Variants in CORO2A observed in about 807,000 individuals in gnomAD.
CORO2A encodes the protein coronin 2A.
A neutral mutation model predicts 62.4 loss-of-function variants in CORO2A; 47 were observed. The ratio of observed to expected loss-of-function variants is 0.75; its 90% CI spans 0.60 to 0.96. CORO2A has a LOEUF of 0.96. CORO2A is among the 40% of genes least tolerant of loss of function. The pLI, the probability that CORO2A is intolerant of heterozygous loss-of-function variation, is 0.00. For missense variants in CORO2A, 610 were observed against 684.1 expected, an observed-to-expected ratio of 0.89 and a Z score of 1.21; for synonymous variants, 273 against 268.9, an observed-to-expected ratio of 1.02 and a Z score of -0.15.
chr9:98,137,796 G>A, intron 2 of CORO2A, 108 bp from the exon 3 acceptor site: 1 of 833,250 alleles, frequency 1.2e-6, no homozygotes. Flanking sequence ...ATAAGGGACA[G>A]AGCTGGGTGT....
chr9:98,143,010 A>T (rs1217314722), intron 2 of CORO2A, among the ~76,000 whole-genome samples: 1 of 152,202 alleles, frequency 6.6e-6, no homozygotes. Context: ...GACATTTATC[A>T]TCAGGAGGCC....
intron 2 of CORO2A, among the ~76,000 whole-genome samples, chr9:98,146,101 A>T (rs1041546734): frequency 7.2e-5 from 11 of 152,144 alleles, no homozygotes; most frequent in Non-Finnish European, 1.5e-4. Flanking sequence ...CCTCAGGCCC[A>T]TGTCCCCTCT....
chr9:98,135,467 G>C (rs1187026675), intron 3 of CORO2A, among the ~76,000 whole-genome samples: 1 of 152,204 alleles, frequency 6.6e-6, no homozygotes, highest in Non-Finnish European at 1.5e-5. Flanking sequence ...TGGCCTGCAA[G>C]AGGAAACTCT....
intron 1 of CORO2A, among the ~76,000 whole-genome samples, chr9:98,180,117 C>T (rs560019476): frequency 2.3e-4 from 35 of 152,306 alleles, no homozygotes; most frequent in African/African-American, 4.1e-4. Context: ...AGTGCTAAAA[C>T]GCTCCTCCCT....
chr9:98,162,535 G>T (rs1425315604), intron 1 of CORO2A, among the ~76,000 whole-genome samples: 2 of 152,188 alleles, frequency 1.3e-5, no homozygotes, highest in Non-Finnish European at 2.9e-5. Context: ...AACTTCACAA[G>T]TAGGGGGTGG....
intron 2 of CORO2A, among the ~76,000 whole-genome samples, chr9:98,147,878 C>A (rs1827664557): frequency 6.6e-6 from 1 of 152,108 alleles, no homozygotes; most frequent in Non-Finnish European, 1.5e-5. Context: ...CTCGAAACAA[C>A]CCACTGGCTT....
chr9:98,142,608 C>T (rs562999111), intron 2 of CORO2A, among the ~76,000 whole-genome samples: 1 of 152,266 alleles, frequency 6.6e-6, no homozygotes. Context: ...AATAGTCAGG[C>T]TGCCCTCGGG....
At chr9:98,183,785 C>T (rs1373341747) in intron 1 of CORO2A, among the ~76,000 whole-genome samples, 1 of 152,084 alleles carries the variant, frequency 6.6e-6, no homozygotes, top group African/African-American at 2.4e-5. Context: ...CATAGCGAAA[C>T]CCCATCTCTA....
intron 1 of CORO2A, among the ~76,000 whole-genome samples, chr9:98,169,181 G>C (rs1253134803): frequency 1.3e-5 from 2 of 152,146 alleles, no homozygotes; most frequent in Non-Finnish European, 2.9e-5. Context: ...AAAGAGTCCC[G>C]TCCTCAGGTT....
chr9:98,180,958 C>T (rs1318260961), intron 1 of CORO2A, among the ~76,000 whole-genome samples: 2 of 152,212 alleles, frequency 1.3e-5, no homozygotes, highest in African/African-American at 4.8e-5. Context: ...TTGTGGAAGG[C>T]CATTTCTTGT....
chr9:98,192,597 C>G lies in CORO2A; in HGVS notation c.-39G>C, dbSNP rs996653787. 1 of 150,556 alleles carries G rather than the reference C, an allele frequency of 6.6e-6. No individual in the cohort carries two copies. The highest frequency in any genetic ancestry group is 1.5e-5 in the Non-Finnish European group (1 of 67,462). 9.3% of individuals were successfully genotyped at this position (150,556 alleles called of 1,614,324 possible). The stretch of plus-strand genomic sequence containing the variant: ...GCGCAGGTGGCGGTGGCGGCGGCGG[C>G]GTCCAGCTCCGGCTCCGCGCTCCTC... On this transcript the variant is annotated 5_prime_UTR_variant, in exon 1 of 12. Coordinates refer to ENST00000375077, the MANE Select transcript of CORO2A (RefSeq NM_052820.4).
At chr9:98,157,125 G>A (rs1343121926) in intron 2 of CORO2A, among the ~76,000 whole-genome samples, 2 of 152,108 alleles carry the variant, frequency 1.3e-5, no homozygotes, top group East Asian at 3.8e-4. Context: ...TTTTGGTGGG[G>A]AAGGTGGCTT....
intron 1 of CORO2A, among the ~76,000 whole-genome samples, chr9:98,174,139 C>CAA (rs78378660): frequency 1.4e-4 from 10 of 72,570 alleles, no homozygotes; most frequent in African/African-American, 4.1e-4. Flanking sequence ...AAACAAAAAA[C>CAA]AAAAAAAAAA....
At chr9:98,175,335 G>A (rs567039008) in intron 1 of CORO2A, among the ~76,000 whole-genome samples, 24 of 152,280 alleles carry the variant, frequency 1.6e-4, no homozygotes, top group Admixed American at 4.6e-4. Context: ...TGGCAGAGTC[G>A]TGGCTCTTCC....
Position 98,159,897 on chromosome 9 carries a change from T to C in CORO2A, c.1-2237A>G, listed in dbSNP as rs182580780. On this transcript the variant is annotated intron_variant, in intron 1 of 11. Transcript: ENST00000375077. ...AGGGGAAGGCAGGTTTGGCTGGGCCTACGCTGGTCAAGATAAAGAAGATGC... is the reference window on the plus strand; with the variant it reads ...AGGGGAAGGCAGGTTTGGCTGGGCCCACGCTGGTCAAGATAAAGAAGATGC... Among the ~76,000 whole-genome samples, 442 of 152,278 alleles carry C rather than the reference T, an allele frequency of 2.9e-3. 1 individual carries two copies. The highest frequency in any genetic ancestry group is 9.7e-3 in the African/African-American group (404 of 41,570).
chr9:98,144,375 A>T (rs1392714566), intron 2 of CORO2A, among the ~76,000 whole-genome samples: 1 of 152,122 alleles, frequency 6.6e-6, no homozygotes, highest in Non-Finnish European at 1.5e-5. Flanking sequence ...ACAATCATGT[A>T]CTAAGGACAG....
intron 1 of CORO2A, among the ~76,000 whole-genome samples, chr9:98,169,341 T>TC (rs745828258): frequency 2.0e-4 from 30 of 151,926 alleles, no homozygotes; most frequent in Non-Finnish European, 3.7e-4. Flanking sequence ...GAGTGCCTCC[T>TC]CCCCACATCT....
intron 2 of CORO2A, among the ~76,000 whole-genome samples, chr9:98,146,351 G>A (rs943845809): frequency 2.0e-5 from 3 of 152,138 alleles, no homozygotes; most frequent in Non-Finnish European, 4.4e-5. Flanking sequence ...GCTGCAGGTT[G>A]CGAAACTCAC....
chr9:98,166,879 T>A (rs1474468107), intron 1 of CORO2A, among the ~76,000 whole-genome samples: 2 of 151,798 alleles, frequency 1.3e-5, no homozygotes, highest in Non-Finnish European at 2.9e-5. Flanking sequence ...ATGAGGTGGA[T>A]CGCTTGGGTT....
Sources: allele counts gnomAD v4.1 joint callset (sites outside exome capture counted in the v4.1 genomes callset), GRCh38; gene constraint gnomAD v4.1.1; transcripts MANE v1.5; gene names NCBI Gene and HGNC (gene_info 2026-07-23, HGNC 2026-07-21).